Variants in GUCY2F observed in about 807,000 individuals in gnomAD.
GUCY2F encodes the protein retinal guanylyl cyclase 2.
A neutral mutation model predicts 73.1 loss-of-function variants in GUCY2F; 61 were observed. That is an observed-to-expected ratio of 0.83 (90% CI 0.68 to 1.03). The LOEUF (loss-of-function observed/expected upper bound fraction) is 1.03, where lower values mean the gene tolerates loss of function less well. Among genes scored for constraint, GUCY2F ranks in the 50% least tolerant of loss-of-function variants. GUCY2F has a pLI of 0.00. For missense variants in GUCY2F, 912 were observed against 854.3 expected (o/e 1.07, Z -0.84); for synonymous variants, 331 against 307.8 (o/e 1.08, Z -0.79).
At chrX:109,457,669 G>T (rs1932286792) in intron 3 of GUCY2F, among the ~76,000 whole-genome samples, 1 of 111,131 alleles carries the variant, frequency 9.0e-6, no homozygotes, top group Non-Finnish European at 1.9e-5. Flanking sequence ...ACCTTGTTTG[G>T]TGGGCCCCAT....
intron 3 of GUCY2F, among the ~76,000 whole-genome samples, chrX:109,462,088 A>G (rs1932373956): frequency 8.9e-6 from 1 of 112,950 alleles, no homozygotes; most frequent in Non-Finnish European, 1.9e-5. Context: ...ACCAATCAAT[A>G]AGGTCATCCT....
At chrX:109,411,274 A>AACCGG in intron 8 of GUCY2F, among the ~76,000 whole-genome samples, 1 of 105,951 alleles carries the variant, frequency 9.4e-6, no homozygotes, top group Admixed American at 1.0e-4. Flanking sequence ...AAAAAAAAAA[A>AACCGG]CTGTCCTAGA....
At chrX:109,417,910 T>C (rs961676814) in intron 8 of GUCY2F, among the ~76,000 whole-genome samples, 1 of 111,506 alleles carries the variant, frequency 9.0e-6, no homozygotes, top group African/African-American at 3.2e-5. Context: ...TTCATAATGA[T>C]AAAATAAGAC....
chrX:109,457,702 C>A (rs906822927), intron 3 of GUCY2F, among the ~76,000 whole-genome samples: 2 of 111,366 alleles, frequency 1.8e-5, no homozygotes, highest in Non-Finnish European at 3.8e-5. Flanking sequence ...CAGTCCTAAC[C>A]ACATCTGCTG....
At chrX:109,468,656 A>AT (rs1932516561) in intron 2 of GUCY2F, among the ~76,000 whole-genome samples, 1 of 111,579 alleles carries the variant, frequency 9.0e-6, no homozygotes, top group Admixed American at 9.5e-5. Flanking sequence ...AAGGGTCCGA[A>AT]TTTTTATAAC....
chrX:109,419,573 C>T (rs1398790205), intron 8 of GUCY2F, among the ~76,000 whole-genome samples: 1 of 110,234 alleles, frequency 9.1e-6, no homozygotes, highest in African/African-American at 3.3e-5. Flanking sequence ...ACATTGATTC[C>T]TTTTCCTCTA....
At chrX:109,476,047 TACTC>T (rs1407273905) in intron 1 of GUCY2F, 26 bp from the exon 2 acceptor site, 3 of 669,962 alleles carry the variant, frequency 4.5e-6, no homozygotes, top group Non-Finnish European at 6.5e-6. Flanking sequence ...AAAGGTTTGT[TACTC>T]ACATTATTTC....
At chrX:109,425,101 G>A (rs1376407274) in intron 8 of GUCY2F, among the ~76,000 whole-genome samples, 1 of 111,955 alleles carries the variant, frequency 8.9e-6, no homozygotes, top group African/African-American at 3.3e-5. Flanking sequence ...TAGTGGGAAT[G>A]TAAACTAGTA....
rs374662498 is a variant in GUCY2F, at chrX:109,388,451, G to A, written c.2956+38C>T. On this transcript the variant is annotated intron_variant, in intron 15 of 19. Transcript: ENST00000218006. Reference sequence around the variant, plus strand: ...TTTCTTTTTTAGTCTTCCTAGAGGCGCATTAGAATGTTTCCTCTTACTTTA... The same window carrying A: ...TTTCTTTTTTAGTCTTCCTAGAGGCACATTAGAATGTTTCCTCTTACTTTA... The A allele has an allele frequency of 6.2e-5, 63 of 1,018,082 alleles. No individual in the cohort carries two copies. The South Asian group carries it at 9.8e-4, about 16-fold the overall frequency. The allele number at this position is 1,018,082 out of a possible 1,213,427, so 83.9% of individuals were successfully genotyped here.
At chrX:109,430,282 T>A in intron 8 of GUCY2F, 25 bp downstream of exon 8, 1 of 778,379 alleles carries the variant, frequency 1.3e-6, no homozygotes, top group East Asian at 3.1e-5. Flanking sequence ...TAGTGGGAAT[T>A]TACATAAACG....
intron 13 of GUCY2F, among the ~76,000 whole-genome samples, chrX:109,392,604 G>A (rs1930592863): frequency 9.0e-6 from 1 of 111,445 alleles, no homozygotes; most frequent in African/African-American, 3.3e-5. Flanking sequence ...CTTTTAATCG[G>A]TCAACCTCCT....
Position 109,448,097 on chromosome X carries a change from G to C in GUCY2F, c.1541C>G (p.Thr514Arg), listed in dbSNP as rs149713239. Reference sequence around the variant, plus strand: ...ACTGCCAAAGTGGGGATTGATAAACGTTACATCCTCCAAAGTCAGTAGAAT... The same window carrying C: ...ACTGCCAAAGTGGGGATTGATAAACCTTACATCCTCCAAAGTCAGTAGAAT... ...NRILLTLEDVTFINPHFGSKR... is the reference protein window; with the variant it reads ...NRILLTLEDVRFINPHFGSKR... The change falls in exon 6 of 20, where the codon ACG becomes AGG. Residue 514 changes from threonine to arginine, a missense_variant. By Grantham distance (71) the Thr-to-Arg change is moderately conservative. Transcript: ENST00000218006. 1.8e-6 allele frequency: 2 copies of C among 1,110,423 alleles called. No individual in the cohort carries two copies. The highest frequency in any genetic ancestry group is 2.5e-6 in the Non-Finnish European group (2 of 803,766). The allele number at this position is 1,110,423 out of a possible 1,213,427, so 91.5% of individuals were successfully genotyped here.
chrX:109,404,781 A>G (rs961527947), intron 9 of GUCY2F, among the ~76,000 whole-genome samples: 8 of 112,160 alleles, frequency 7.1e-5, no homozygotes, highest in Admixed American at 6.6e-4. Flanking sequence ...ATTACCAGGA[A>G]TTTGGAGATT....
chrX:109,404,588 A>AACTC (rs1930931678), intron 9 of GUCY2F, 104 bp from the exon 10 acceptor site: 4 of 570,230 alleles, frequency 7.0e-6, no homozygotes, highest in Middle Eastern at 3.4e-4. Context: ...TATGATCCAG[A>AACTC]ACTCAGCTTT....
chrX:109,457,784 T>A (rs1005727739), intron 3 of GUCY2F, among the ~76,000 whole-genome samples: 3 of 111,134 alleles, frequency 2.7e-5, no homozygotes, highest in Admixed American at 9.5e-5. Context: ...GAGCATAAGG[T>A]CCCCAAGCTT....
At chrX:109,436,192 C>A (rs769135622) in intron 7 of GUCY2F, among the ~76,000 whole-genome samples, 19 of 112,253 alleles carry the variant, frequency 1.7e-4, no homozygotes, top group Non-Finnish European at 3.2e-4. Context: ...AAATGCTCAT[C>A]ATCACTAGCC....
rs1318949950 is a variant in GUCY2F, at chrX:109,468,676, C to T, written c.731-3233G>A. Among the ~76,000 whole-genome samples the T allele has an allele frequency of 9.0e-5, 10 of 111,342 alleles. No individual in the cohort carries two copies. The East Asian group carries it at 2.8e-3, about 31-fold the overall frequency. On this transcript the variant is annotated intron_variant, in intron 2 of 19. Coordinates refer to ENST00000218006, the MANE Select transcript of GUCY2F (RefSeq NM_001522.3). ...TCCGAATTTTTATAACTGAAAAGAC[C>T]CTTTAAGACCAAGTAGGCCAACCTG...
intron 15 of GUCY2F, 83 bp downstream of exon 15, chrX:109,388,406 G>T: frequency 1.3e-6 from 1 of 759,241 alleles, no homozygotes; most frequent in Non-Finnish European, 2.0e-6. Context: ...CAGGAATCAG[G>T]GGAGAGCTAT....
intron 2 of GUCY2F, among the ~76,000 whole-genome samples, chrX:109,474,635 G>A (rs576950897): frequency 9.0e-5 from 10 of 111,613 alleles, no homozygotes; most frequent in African/African-American, 3.3e-4. Flanking sequence ...CATCAGCTAG[G>A]TGCCCCCCAT....
Sources: allele counts gnomAD v4.1 joint callset (sites outside exome capture counted in the v4.1 genomes callset), GRCh38; gene constraint gnomAD v4.1.1; transcripts MANE v1.5; gene names NCBI Gene and HGNC (gene_info 2026-07-23, HGNC 2026-07-21).